The following KIAA1217 variants were observed in gnomAD, a reference collection of about 807,000 sequenced individuals.
The protein encoded by KIAA1217 is KIAA1217.
Under a neutral mutation model 163.9 loss-of-function variants are expected in KIAA1217, and 88 were observed. The ratio of observed to expected loss-of-function variants is 0.54; its 90% confidence interval spans 0.45 to 0.64. The LOEUF is 0.64. Ranked by LOEUF, KIAA1217 falls within the 30% of genes least tolerant of loss-of-function variation. KIAA1217 has a pLI of 0.00. For synonymous variants in KIAA1217, 903 were observed against 923.1 expected (o/e 0.98, Z 0.39); for missense variants, 2,372 against 2,475.0 (o/e 0.96, Z 0.88).
intron 1 of KIAA1217, among the ~76,000 whole-genome samples, chr10:23,766,243 T>C (rs559330913): frequency 6.6e-6 from 1 of 152,326 alleles, no homozygotes; most frequent in East Asian, 1.9e-4. Context: ...ACTAGTGGCA[T>C]GGTAGAGTGG....
chr10:23,936,712 A>T (rs1843542990), intron 1 of KIAA1217, among the ~76,000 whole-genome samples: 1 of 152,112 alleles, frequency 6.6e-6, no homozygotes, highest in African/African-American at 2.4e-5. Context: ...GGTCCTGCAG[A>T]CACCTGGATT....
chr10:24,264,333 A>C lies in KIAA1217; in HGVS notation c.354+44424A>C, dbSNP rs569812882. ...GTCTGAGACATGCAGAGGGACAGACAAAAAGATGCATTTAAAAAAGAGCTG... is the reference window on the plus strand; with the variant it reads ...GTCTGAGACATGCAGAGGGACAGACCAAAAGATGCATTTAAAAAAGAGCTG... On this transcript the variant is annotated intron_variant, in intron 2 of 20. Coordinates refer to ENST00000376454, the MANE Select transcript of KIAA1217 (RefSeq NM_019590.5). 2.0e-5 allele frequency among the ~76,000 whole-genome samples: 3 copies of C among 152,314 alleles called. No homozygotes were observed. In the East Asian group the frequency reaches 5.8e-4, roughly 29 times the overall value.
chr10:24,177,352 A>G (rs1312084749), intron 2 of KIAA1217, among the ~76,000 whole-genome samples: 2 of 112,402 alleles, frequency 1.8e-5, no homozygotes, highest in African/African-American at 7.5e-5. Context: ...ATATATCTTT[A>G]TCATATGTGT....
At chr10:24,471,943 A>AACTACTC (rs2063566541) in intron 5 of KIAA1217, among the ~76,000 whole-genome samples, 1 of 151,968 alleles carries the variant, frequency 6.6e-6, no homozygotes, top group Admixed American at 6.6e-5. Context: ...CCGCAAACTT[A>AACTACTC]ACTACTCACA....
intron 2 of KIAA1217, among the ~76,000 whole-genome samples, chr10:24,377,842 T>C (rs1189583630): frequency 2.6e-5 from 4 of 152,140 alleles, no homozygotes; most frequent in Non-Finnish European, 5.9e-5. Flanking sequence ...GGAGGAACCA[T>C]TAGAATTGGT....
chr10:23,903,928 C>T (rs145383284), intron 1 of KIAA1217, among the ~76,000 whole-genome samples: 57 of 152,168 alleles, frequency 3.7e-4, no homozygotes, highest in African/African-American at 8.2e-4. Context: ...AGCTGGCAAA[C>T]GAATTTTCTC....
chr10:24,300,813 CTGTT>C (rs1204692008), intron 2 of KIAA1217, among the ~76,000 whole-genome samples: 2 of 151,696 alleles, frequency 1.3e-5, no homozygotes, highest in Non-Finnish European at 2.9e-5. Context: ...GTGAATTCGC[CTGTT>C]TGTTTGTTTA....
chr10:24,117,052 G>C (rs111338558), intron 2 of KIAA1217, among the ~76,000 whole-genome samples: 10,013 of 150,960 alleles, frequency 0.066, 1,036 homozygotes, highest in African/African-American at 0.22. Context: ...TTTTGGGTGG[G>C]GGGGGATGGA....
At chr10:23,854,406 C>A (rs1839532350) in intron 1 of KIAA1217, among the ~76,000 whole-genome samples, 1 of 152,094 alleles carries the variant, frequency 6.6e-6, no homozygotes, top group Non-Finnish European at 1.5e-5. Context: ...TGTTCTTTTA[C>A]ATTTTCTGAG....
At chr10:24,537,967 A>T (rs2074282267) in intron 17 of KIAA1217, among the ~76,000 whole-genome samples, 6 of 152,226 alleles carry the variant, frequency 3.9e-5, no homozygotes, top group Admixed American at 3.9e-4. Flanking sequence ...TTAAGCTTCC[A>T]TCTAAACTTC....
At chr10:24,158,310 A>G (rs183394955) in intron 2 of KIAA1217, 150 of 693,748 alleles carry the variant, frequency 2.2e-4, no homozygotes, top group Non-Finnish European at 4.0e-4. Context: ...TTTATACTCA[A>G]GGAGATTCTT....
intron 3 of KIAA1217, among the ~76,000 whole-genome samples, chr10:24,428,579 G>T (rs1015320172): frequency 2.7e-4 from 41 of 152,218 alleles, no homozygotes; most frequent in Non-Finnish European, 4.0e-4. Context: ...AGCTCTTATA[G>T]CTCAGATAGA....
rs147812069 is a variant in KIAA1217 at position 24,158,288 on chromosome 10, G to A, written c.-170-61338G>A. On this transcript the variant is annotated intron_variant, in intron 2 of 18. Coordinates refer to the KIAA1217 transcript ENST00000376462. ...TGAAAGATGACATTTTCTCCTTCCC[G>A]GTTGGATCCTTTTTATACTCAAGGA... 9.9e-4 allele frequency: 702 copies of A among 706,872 alleles called. 4 individuals carry two copies. Among genetic ancestry groups the A allele is most frequent in the Middle Eastern group, 5.1e-3 (13 of 2,530 alleles). 43.8% of individuals were successfully genotyped at this position (706,872 alleles called of 1,614,324 possible).
chr10:24,539,040 A>G (rs1294581147), intron 17 of KIAA1217, among the ~76,000 whole-genome samples: 1 of 151,304 alleles, frequency 6.6e-6, no homozygotes, highest in Non-Finnish European at 1.5e-5. Flanking sequence ...CCGGAAATAT[A>G]TTGGTCTTTT....
At chr10:24,272,784 G>T (rs1436920444) in intron 2 of KIAA1217, among the ~76,000 whole-genome samples, 3 of 152,076 alleles carry the variant, frequency 2.0e-5, no homozygotes, top group Non-Finnish European at 4.4e-5. Context: ...CATATTCAAG[G>T]GTTTTTTTCC....
chr10:24,271,295 C>T (rs1158510967), intron 2 of KIAA1217, among the ~76,000 whole-genome samples: 2 of 152,100 alleles, frequency 1.3e-5, no homozygotes, highest in Admixed American at 1.3e-4. Context: ...TAGTAATCAC[C>T]TCCCTAGGAG....
At chr10:24,510,042 G>A (rs1431115033) in intron 9 of KIAA1217, among the ~76,000 whole-genome samples, 1 of 152,116 alleles carries the variant, frequency 6.6e-6, no homozygotes, top group African/African-American at 2.4e-5. Context: ...TGTTGTTCAA[G>A]TGTCAACTGT....
chr10:24,264,371 T>TA (rs1229720592), intron 2 of KIAA1217, among the ~76,000 whole-genome samples: 3 of 151,928 alleles, frequency 2.0e-5, no homozygotes, highest in Admixed American at 2.0e-4. Flanking sequence ...AGGGAACACA[T>TA]ACCAAAATGG....
intron 5 of KIAA1217, among the ~76,000 whole-genome samples, chr10:24,464,683 C>G (rs1402579006): frequency 6.6e-6 from 1 of 152,138 alleles, no homozygotes; most frequent in Non-Finnish European, 1.5e-5. Context: ...CTGGGCCTCC[C>G]TATGTTGCCC....
Sources: allele counts gnomAD v4.1 joint callset (sites outside exome capture counted in the v4.1 genomes callset), GRCh38; gene constraint gnomAD v4.1.1; transcripts MANE v1.5; gene names NCBI Gene and HGNC (gene_info 2026-07-23, HGNC 2026-07-21).